The following PRR14L variants were observed in gnomAD, a reference collection of about 807,000 sequenced individuals.
The protein encoded by PRR14L is protein PRR14L.
PRR14L carries 80 observed loss-of-function variants against 155.0 expected under a neutral mutation model. The observed-to-expected ratio is 0.52, with a 90% CI of 0.43 to 0.62. The LOEUF (loss-of-function observed/expected upper bound fraction) is 0.62, where lower values mean the gene tolerates loss of function less well. Among genes scored for constraint, PRR14L ranks in the 20% least tolerant of loss-of-function variants. The probability of loss-of-function intolerance (pLI) is 0.00; values close to 1 mark genes in which losing one functional copy is unlikely to be tolerated. For missense variants in PRR14L, 2,469 were observed against 2,548.0 expected (o/e 0.97, Z 0.67); for synonymous variants, 883 against 916.0 (o/e 0.96, Z 0.65).
rs570848537 is a variant in PRR14L at position 31,696,550 on chromosome 22, G to A, written c.6107+5106C>T. On this transcript the variant is annotated intron_variant, in intron 7 of 8. Transcript: ENST00000327423. ...GGCCTCCCAAAGTGTCGGGATTATA[G>A]GTGTGAACTACCATACCCAGCTCAA... 2.6e-5 allele frequency among the ~76,000 whole-genome samples: 4 copies of A among 152,240 alleles called. No homozygotes were observed. The South Asian group carries it at 6.2e-4, about 24-fold the overall frequency.
At chr22:31,685,928 G>A (rs1376242039) in intron 8 of PRR14L, 125 bp from the exon 9 acceptor site, 8 of 844,136 alleles carry the variant, frequency 9.5e-6, no homozygotes, top group Admixed American at 2.9e-5. Flanking sequence ...AGCTACTTGC[G>A]CCAACTCTTT....
chr22:31,713,835 C>A lies in PRR14L; in HGVS notation c.4004G>T (p.Gly1335Val). The change falls in exon 4 of 9, where the codon GGA (glycine) becomes GTA (valine). Residue 1335 changes from glycine to valine, a missense_variant. Gly to Val is a moderately radical substitution (Grantham distance 109, BLOSUM62 -3). This residue lies in a region of PRR14L where 2,363 missense variants were observed against 2,371.6 expected (regional missense o/e 1.00). Transcript: ENST00000327423. ...CCTCTGATGCTCTTCGGTTTCTTCT[C>A]CTTTCACTTTAATATCTGTTTTCAC... ...LTVKTDIKVKGEETEEHQRGR... is the reference protein window; with the variant it reads ...LTVKTDIKVKVEETEEHQRGR... The A allele has an allele frequency of 6.4e-7, 1 of 1,552,324 alleles. No individual in the cohort carries two copies. The highest frequency in any genetic ancestry group is 8.7e-7 in the Non-Finnish European group (1 of 1,147,120).
intron 7 of PRR14L, 31 bp from the exon 8 acceptor site, chr22:31,688,258 G>T (rs771944246): frequency 6.5e-7 from 1 of 1,541,016 alleles, no homozygotes; most frequent in Non-Finnish European, 8.7e-7. Context: ...AAATTCTTCA[G>T]GTTCTCTCTC....
At chr22:31,710,243 G>A (rs1399347377) in intron 4 of PRR14L, among the ~76,000 whole-genome samples, 1 of 152,016 alleles carries the variant, frequency 6.6e-6, no homozygotes, top group African/African-American at 2.4e-5. Flanking sequence ...CGTCCCGCCT[G>A]AACCAGTCCA....
intron 6 of PRR14L, among the ~76,000 whole-genome samples, chr22:31,702,108 G>T (rs1033358230): frequency 3.9e-5 from 6 of 152,176 alleles, no homozygotes; most frequent in African/African-American, 1.4e-4. Context: ...CATATTGTAA[G>T]ATATTTTAAA....
chr22:31,701,757 C>G lies in PRR14L; in HGVS notation c.6006G>C (p.Glu2002Asp). Residue 2002 changes from glutamate to aspartate, a missense_variant, in exon 7 of 9, where the codon GAG becomes GAC. Transcript: ENST00000327423. ...QSSPPEQKEA[E>D]PEKRPKKVSQ... Reference sequence around the variant, plus strand: ...AGACTTTCTTTGGCCTCTTCTCTGGCTCAGCCTATTTTTAAGGATTAAGAA... The same window carrying G: ...AGACTTTCTTTGGCCTCTTCTCTGGGTCAGCCTATTTTTAAGGATTAAGAA... 1 of 1,611,938 alleles carries G rather than the reference C, an allele frequency of 6.2e-7. No individual in the cohort carries two copies. The highest frequency in any genetic ancestry group is 1.1e-5 in the South Asian group (1 of 90,992).
chr22:31,724,497 G>A (rs1165346750), intron 3 of PRR14L, among the ~76,000 whole-genome samples: 1 of 152,138 alleles, frequency 6.6e-6, no homozygotes, highest in African/African-American at 2.4e-5. Context: ...ACCTCCCAGG[G>A]CTCAAGTATC....
chr22:31,728,634 C>T (rs1028855797), intron 2 of PRR14L, among the ~76,000 whole-genome samples: 5 of 146,326 alleles, frequency 3.4e-5, no homozygotes, highest in African/African-American at 7.6e-5. Flanking sequence ...ACGTATACTA[C>T]GCTTTTGTAT....
At chr22:31,727,382 C>A (rs547828069) in intron 2 of PRR14L, among the ~76,000 whole-genome samples, 1 of 151,760 alleles carries the variant, frequency 6.6e-6, no homozygotes, top group African/African-American at 2.4e-5. Context: ...TACAGGTGCA[C>A]GCCGCCACAC....
intron 5 of PRR14L, among the ~76,000 whole-genome samples, 186 bp from the exon 6 acceptor site, chr22:31,703,907 C>T (rs777499925): frequency 6.6e-5 from 10 of 151,692 alleles, no homozygotes; most frequent in Non-Finnish European, 1.3e-4. Flanking sequence ...AAGCAATTCT[C>T]CTGCCTCAGC....
intron 8 of PRR14L, among the ~76,000 whole-genome samples, chr22:31,686,030 G>A (rs2074480365): frequency 6.6e-6 from 1 of 152,060 alleles, no homozygotes; most frequent in Non-Finnish European, 1.5e-5. Flanking sequence ...TGTCTCCTGG[G>A]TTCAAGCGAT....
chr22:31,691,313 G>A (rs1254365842), intron 7 of PRR14L, among the ~76,000 whole-genome samples: 1 of 151,392 alleles, frequency 6.6e-6, no homozygotes, highest in Non-Finnish European at 1.5e-5. Context: ...GGCTAGCTTT[G>A]AACTCCTCAG....
chr22:31,744,020 TAAAA>T (rs750855516), intron 1 of PRR14L, among the ~76,000 whole-genome samples: 2 of 131,782 alleles, frequency 1.5e-5, no homozygotes, highest in African/African-American at 2.8e-5. Flanking sequence ...GCTCATTCAT[TAAAA>T]AAAAAAAAAA....
chr22:31,717,186 C>G lies in PRR14L; in HGVS notation c.653G>C (p.Gly218Ala), dbSNP rs2074665205. Residue 218 changes from glycine to alanine, a missense_variant, in exon 4 of 9, where the codon GGC becomes GCC. By Grantham distance (60) the Gly-to-Ala change is moderately conservative. Around this residue, in one of 2 missense-constraint regions of PRR14L, gnomAD observed 2,363 missense variants for 2,371.6 expected, o/e 1.00. Coordinates refer to ENST00000327423, the MANE Select transcript of PRR14L (RefSeq NM_173566.3). ...AGCTGAGAGATCTTTACTCACATTGCCATTTTTGTGTCCTTCATTATTATC... is the reference window on the plus strand; with the variant it reads ...AGCTGAGAGATCTTTACTCACATTGGCATTTTTGTGTCCTTCATTATTATC... Reference protein sequence around the residue: ...KTDNNEGHKNGNVSKDLSAGC... With the variant: ...KTDNNEGHKNANVSKDLSAGC... 2.6e-6 allele frequency: 4 copies of G among 1,552,120 alleles called. No individual in the cohort carries two copies. The South Asian group carries it at 4.8e-5, about 18-fold the overall frequency.
intron 1 of PRR14L, among the ~76,000 whole-genome samples, chr22:31,744,302 T>C (rs2074826980): frequency 6.6e-6 from 1 of 152,108 alleles, no homozygotes; most frequent in Non-Finnish European, 1.5e-5. Context: ...CCAGCTAATT[T>C]TGTATTTTTT....
At chr22:31,691,476 C>A (rs2074511323) in intron 7 of PRR14L, among the ~76,000 whole-genome samples, 1 of 152,142 alleles carries the variant, frequency 6.6e-6, no homozygotes, top group African/African-American at 2.4e-5. Context: ...CTGCCTCTAC[C>A]TGCCAACGAG....
At position 31,714,953 on chromosome 22, in the gene PRR14L, G is replaced by T; in HGVS notation, c.2886C>A (p.Leu962=). ...SFKNVKSVET[L]DQKADEVLDC... ...CAAGGACTTCATCTGCCTTCTGATC[G>T]AGTGTTTCAACTGATTTTACATTTT... Residue 962 remains leucine (L), a synonymous_variant, in exon 4 of 9, where the codon CTC becomes CTA. Coordinates refer to ENST00000327423, the MANE Select transcript of PRR14L (RefSeq NM_173566.3). 6.4e-7 allele frequency: 1 copy of T among 1,551,930 alleles called. No homozygotes were observed. The highest frequency in any genetic ancestry group is 8.7e-7 in the Non-Finnish European group (1 of 1,146,990).
Position 31,715,420 on chromosome 22 carries a change from A to G in PRR14L, c.2419T>C (p.Phe807Leu), listed in dbSNP as rs1245656130. The G allele has an allele frequency of 5.2e-6, 8 of 1,552,364 alleles. No individual in the cohort carries two copies. In the South Asian group the frequency reaches 9.5e-5, roughly 18 times the overall value. The change falls in exon 4 of 9, where the codon TTC becomes CTC. Residue 807 changes from phenylalanine (F) to leucine (L), a missense_variant. Coordinates refer to ENST00000327423, the MANE Select transcript of PRR14L (RefSeq NM_173566.3). ...QENMCSASAA[F>L]KSSKISLQVD... ...TGCAGGCTGATTTTGCTGGACTTGA[A>G]AGCAGCAGAAGCAGAACACATGTTT...
At chr22:31,705,930 G>A (rs1044353389) in intron 4 of PRR14L, among the ~76,000 whole-genome samples, 3 of 152,010 alleles carry the variant, frequency 2.0e-5, no homozygotes, top group Non-Finnish European at 4.4e-5. Flanking sequence ...GAACCCGGGA[G>A]GAGGAGATTG....
Sources: gnomAD v4.1 joint callset for allele counts (sites outside exome capture counted in the v4.1 genomes callset) on GRCh38, gnomAD v4.1.1 for gene constraint, gnomAD v4.1.1 regional missense constraint, MANE v1.5 for transcripts, NCBI Gene and HGNC (gene_info 2026-07-23, HGNC 2026-07-21) for gene names.